ABCA13: variants seen among roughly 807,000 people sequenced by gnomAD.
ABCA13 encodes ATP-binding cassette sub-family A member 13.
Under a neutral mutation model 478.7 loss-of-function variants are expected in ABCA13, and 476 were observed. The ratio of observed to expected loss-of-function variants is 0.99; its 90% CI spans 0.92 to 1.07. The LOEUF (loss-of-function observed/expected upper bound fraction) is 1.07. ABCA13 is among the 50% of genes least tolerant of loss of function. ABCA13 has a pLI of 0.00. For synonymous variants in ABCA13, 2,252 were observed against 2,158.9 expected, an observed-to-expected ratio of 1.04 and a Z score of -1.20; for missense variants, 6,060 against 5,910.6, an observed-to-expected ratio of 1.03 and a Z score of -0.83.
At chr7:48,199,023 A>C (rs1373819749) in intron 3 of ABCA13, among the ~76,000 whole-genome samples, 3 of 152,188 alleles carry the variant, frequency 2.0e-5, no homozygotes, top group Non-Finnish European at 4.4e-5. Context: ...TGAAGTTAGG[A>C]AGGGAAGGAA....
chr7:48,300,895 C>CTG (rs1289607926), intron 23 of ABCA13, among the ~76,000 whole-genome samples: 1 of 152,222 alleles, frequency 6.6e-6, no homozygotes. Context: ...CCACTTCATG[C>CTG]TGTGTTCCTA....
intron 47 of ABCA13, among the ~76,000 whole-genome samples, chr7:48,486,971 G>A (rs187275144): frequency 1.1e-4 from 17 of 152,306 alleles, no homozygotes; most frequent in Admixed American, 7.8e-4. Context: ...AGCAAAGCAT[G>A]TGGATACAGG....
chr7:48,522,208 A>C (rs62447317), intron 53 of ABCA13, among the ~76,000 whole-genome samples: 12,784 of 152,156 alleles, frequency 0.084, 938 homozygotes, highest in African/African-American at 0.2. Context: ...TGCAACTGGG[A>C]ATGGATAGAT....
intron 57 of ABCA13, among the ~76,000 whole-genome samples, chr7:48,590,703 T>C (rs944076108): frequency 1.3e-5 from 2 of 152,194 alleles, no homozygotes; most frequent in South Asian, 2.1e-4. Context: ...TGATATCTCA[T>C]TGTGGTTTTC....
At chr7:48,489,987 C>T (rs1829700032) in intron 48 of ABCA13, among the ~76,000 whole-genome samples, 1 of 152,148 alleles carries the variant, frequency 6.6e-6, no homozygotes, top group Non-Finnish European at 1.5e-5. Context: ...GCCATGTCCA[C>T]CACAATTTAT....
At chr7:48,628,184 A>G (rs1476905564) in intron 59 of ABCA13, among the ~76,000 whole-genome samples, 1 of 152,182 alleles carries the variant, frequency 6.6e-6, no homozygotes, top group Non-Finnish European at 1.5e-5. Flanking sequence ...AGAGGTCTCC[A>G]GCATCGATTG....
In ABCA13 at chr7:48,517,026, A is replaced by G. The variant is rs1056428226; in HGVS notation, c.13797+145A>G. 7.4e-6 allele frequency: 7 copies of G among 944,124 alleles called. No individual in the cohort carries two copies. The South Asian group carries it at 1.3e-4, about 18-fold the overall frequency. The allele number at this position is 944,124 out of a possible 1,614,324, so 58.5% of individuals were successfully genotyped here. ...CTGTCTTTAAACTCCAGAGAGATAA[A>G]TGGATTCTAATTAACAAAAAACACA... On this transcript the variant is annotated intron_variant, in intron 52 of 61. Transcript: ENST00000435803.
rs762713578 is a variant in ABCA13, at chr7:48,389,220, T to A, written c.11654T>A (p.Ile3885Lys). 6.2e-7 allele frequency: 1 copy of A among 1,612,374 alleles called. No homozygotes were observed. Among genetic ancestry groups the A allele is most frequent in the Non-Finnish European group, 8.5e-7 (1 of 1,179,132 alleles). Residue 3885 changes from isoleucine (I) to lysine (K), a missense_variant and splice_region_variant, in exon 37 of 62, where the codon ATA (isoleucine) becomes AAA (lysine). Coordinates refer to ENST00000435803, the MANE Select transcript of ABCA13 (RefSeq NM_152701.5). ...GTNGAGKTTIISMLTGLHPPT... is the reference protein window; with the variant it reads ...GTNGAGKTTIKSMLTGLHPPT... ...AACGGTGCCGGGAAAACCACTATCA[T>A]GTGGGTCCCATTTTACCCTTATCAA...
intron 31 of ABCA13, among the ~76,000 whole-genome samples, chr7:48,359,502 A>C (rs1563117161): frequency 6.6e-6 from 1 of 151,958 alleles, no homozygotes; most frequent in Non-Finnish European, 1.5e-5. Flanking sequence ...GGGAGGATAA[A>C]GGGAGAGAGA....
chr7:48,526,674 T>C (rs961242987), intron 54 of ABCA13, among the ~76,000 whole-genome samples: 3 of 152,170 alleles, frequency 2.0e-5, no homozygotes, highest in African/African-American at 4.8e-5. Flanking sequence ...CTGAATACTG[T>C]AAGCAATTGT....
chr7:48,521,716 T>C (rs2130985205), intron 53 of ABCA13, among the ~76,000 whole-genome samples: 1 of 152,322 alleles, frequency 6.6e-6, no homozygotes, highest in Non-Finnish European at 1.5e-5. Context: ...CTGTATTACC[T>C]TTACTTTCTA....
intron 32 of ABCA13, among the ~76,000 whole-genome samples, chr7:48,369,895 G>A (rs765849467): frequency 2.0e-5 from 3 of 151,848 alleles, no homozygotes; most frequent in Non-Finnish European, 4.4e-5. Context: ...GGTTCCATAT[G>A]AATTTTAGGA....
chr7:48,219,688 C>T (rs1210603632), intron 4 of ABCA13, among the ~76,000 whole-genome samples, 183 bp downstream of exon 4: 1 of 152,100 alleles, frequency 6.6e-6, no homozygotes, highest in African/African-American at 2.4e-5. Flanking sequence ...GCTGGATTCT[C>T]TCTCCTCAAC....
chr7:48,256,738 A>T (rs966969904), intron 15 of ABCA13, among the ~76,000 whole-genome samples: 2 of 152,114 alleles, frequency 1.3e-5, no homozygotes, highest in African/African-American at 4.8e-5. Context: ...TATAGTTTGG[A>T]GGTGGGTAAT....
At chr7:48,243,904 T>A (rs1333575960) in intron 10 of ABCA13, among the ~76,000 whole-genome samples, 1 of 152,264 alleles carries the variant, frequency 6.6e-6, no homozygotes, top group Non-Finnish European at 1.5e-5. Flanking sequence ...ACAGAAAGCC[T>A]GGACTCACCT....
intron 59 of ABCA13, among the ~76,000 whole-genome samples, chr7:48,618,120 G>A (rs899805499): frequency 1.1e-4 from 16 of 152,094 alleles, no homozygotes; most frequent in African/African-American, 3.6e-4. Context: ...CTGAGCCTGG[G>A]GAGTAAGACC....
intron 58 of ABCA13, among the ~76,000 whole-genome samples, chr7:48,596,986 C>T (rs1480906573): frequency 6.7e-6 from 1 of 150,150 alleles, no homozygotes; most frequent in Non-Finnish European, 1.5e-5. Flanking sequence ...GAGTCTTGCT[C>T]AGTCACCCAG....
At chr7:48,475,561 G>A (rs1396006118) in intron 45 of ABCA13, among the ~76,000 whole-genome samples, 5 of 149,926 alleles carry the variant, frequency 3.3e-5, no homozygotes, top group Non-Finnish European at 3.0e-5. Flanking sequence ...CGCCTTCTGG[G>A]TTCAAGTGAT....
At chr7:48,241,583 A>C (rs1195288451) in intron 10 of ABCA13, among the ~76,000 whole-genome samples, 11 of 152,202 alleles carry the variant, frequency 7.2e-5, no homozygotes, top group Admixed American at 7.2e-4. Flanking sequence ...AAAATAGCCG[A>C]CTAGATCTTT....
Sources: allele counts gnomAD v4.1 joint callset (sites outside exome capture counted in the v4.1 genomes callset), GRCh38; gene constraint gnomAD v4.1.1; transcripts MANE v1.5; gene names NCBI Gene and HGNC (gene_info 2026-07-23, HGNC 2026-07-21).